LRGUK: variants seen among roughly 807,000 people sequenced by gnomAD.
LRGUK encodes the protein leucine-rich repeat and guanylate kinase domain-containing protein.
A neutral mutation model predicts 76.0 loss-of-function variants in LRGUK; 65 were observed. The ratio of observed to expected loss-of-function variants is 0.85; its 90% CI spans 0.70 to 1.05. The LOEUF (loss-of-function observed/expected upper bound fraction) is 1.05, where lower values mean the gene tolerates loss of function less well. Ranked by LOEUF, LRGUK falls within the 50% of genes least tolerant of loss-of-function variation. LRGUK has a pLI of 0.00. For missense variants in LRGUK, 758 were observed against 732.8 expected, an observed-to-expected ratio of 1.03 and a Z score of -0.40; for synonymous variants, 268 against 265.6, an observed-to-expected ratio of 1.01 and a Z score of -0.09.
intron 12 of LRGUK, 107 bp from the exon 13 acceptor site, chr7:134,196,885 T>G (rs1297764326): frequency 1.7e-6 from 1 of 582,572 alleles, no homozygotes; most frequent in Non-Finnish European, 3.0e-6. Context: ...TGCTAAAATT[T>G]GTAAGGTTTT....
At chr7:134,218,475 G>C (rs1461941853) in intron 15 of LRGUK, among the ~76,000 whole-genome samples, 1 of 152,130 alleles carries the variant, frequency 6.6e-6, no homozygotes, top group Non-Finnish European at 1.5e-5. Context: ...TTGCCTTGCT[G>C]TATAAGAAAT....
chr7:134,264,308 A>G (rs1321860071), exon 20 of LRGUK: 1 of 190,742 alleles, frequency 5.2e-6, no homozygotes, highest in African/African-American at 2.3e-5. Context: ...GAAATATCAG[A>G]TGGAAAAATC....
intron 7 of LRGUK, among the ~76,000 whole-genome samples, chr7:134,168,351 C>T (rs532957863): frequency 4.5e-4 from 68 of 152,228 alleles, no homozygotes; most frequent in African/African-American, 1.5e-3. Context: ...GGCAACATCA[C>T]GACACCCCCA....
At chr7:134,272,076 C>T in the LRGUK span, among the ~76,000 whole-genome samples, 14,637 of 151,988 alleles carry the variant, frequency 0.096, 1,815 homozygotes, top group African/African-American at 0.28. Context: ...ACAATGATAA[C>T]GAGCATCCTT....
intron 5 of LRGUK, among the ~76,000 whole-genome samples, chr7:134,153,384 A>C (rs1172518834): frequency 6.6e-6 from 1 of 152,156 alleles, no homozygotes; most frequent in Non-Finnish European, 1.5e-5. Flanking sequence ...CCTAAATTGC[A>C]ATACAATAAG....
chr7:134,150,283 CAAAAAAAACAA>C (rs1351633360), intron 5 of LRGUK, among the ~76,000 whole-genome samples: 5 of 147,138 alleles, frequency 3.4e-5, no homozygotes, highest in East Asian at 4.0e-4. Flanking sequence ...TCTCAAAAAA[CAAAAAAAACAA>C]AAAAAAACAA....
intron 5 of LRGUK, among the ~76,000 whole-genome samples, chr7:134,156,082 T>C (rs186033218): frequency 3.0e-3 from 462 of 152,340 alleles, no homozygotes; most frequent in African/African-American, 0.01. Context: ...CTCTCAGTAG[T>C]ATAAAAGTAT....
At chr7:134,192,266 T>C (rs534826261) in intron 12 of LRGUK, among the ~76,000 whole-genome samples, 9 of 152,300 alleles carry the variant, frequency 5.9e-5, no homozygotes, top group Non-Finnish European at 8.8e-5. Context: ...TCTGGACATG[T>C]TACCATGGTC....
At chr7:134,157,955 A>G in intron 5 of LRGUK, 80 bp from the exon 6 acceptor site, 1 of 1,258,648 alleles carries the variant, frequency 7.9e-7, no homozygotes, top group Middle Eastern at 2.0e-4. Context: ...TGCTTTGTCT[A>G]GTGATGATTT....
chr7:134,130,296 C>A (rs1222398), intron 1 of LRGUK, among the ~76,000 whole-genome samples: 127,444 of 151,880 alleles, frequency 0.84, 54,096 homozygotes, highest in Non-Finnish European at 0.9. Flanking sequence ...TTCCCCCCCC[C>A]CCCAGAGGAA....
chr7:134,175,527 G>T (rs1204027993), intron 8 of LRGUK, among the ~76,000 whole-genome samples: 1 of 152,156 alleles, frequency 6.6e-6, no homozygotes, highest in African/African-American at 2.4e-5. Flanking sequence ...CCTGAAGGGT[G>T]TTTGTGCATA....
chr7:134,256,016 G>A (rs546072969), intron 18 of LRGUK, among the ~76,000 whole-genome samples: 142 of 152,088 alleles, frequency 9.3e-4, no homozygotes, highest in Non-Finnish European at 1.4e-3. Context: ...GCCCCCTGTC[G>A]CCTGTGTCAA....
Position 134,156,668 on chromosome 7 carries a change from G to C in LRGUK, c.671-1367G>C, listed in dbSNP as rs528918855. ...GTTTTGTTTATAGTGAAGGGCCTTAGATGGCAGAGTGAGGAATCTGGAATT... is the reference window on the plus strand; with the variant it reads ...GTTTTGTTTATAGTGAAGGGCCTTACATGGCAGAGTGAGGAATCTGGAATT... On this transcript the variant is annotated intron_variant, in intron 5 of 15. Coordinates refer to ENST00000645682, the Ensembl canonical transcript of LRGUK. 2.0e-5 allele frequency among the ~76,000 whole-genome samples: 3 copies of C among 152,286 alleles called. No individual in the cohort carries two copies. In the East Asian group the frequency reaches 5.8e-4, roughly 29 times the overall value.
intron 11 of LRGUK, among the ~76,000 whole-genome samples, chr7:134,188,766 T>C (rs1401934181): frequency 6.6e-6 from 1 of 152,150 alleles, no homozygotes; most frequent in Non-Finnish European, 1.5e-5. Flanking sequence ...TTACTAACAA[T>C]GTGATGTGCT....
the LRGUK span, among the ~76,000 whole-genome samples, chr7:134,273,458 C>T: frequency 6.6e-6 from 1 of 152,018 alleles, no homozygotes; most frequent in East Asian, 1.9e-4. Context: ...GCCCACTATC[C>T]ATCCCAAGCC....
intron 1 of LRGUK, among the ~76,000 whole-genome samples, chr7:134,134,346 G>A (rs78754113): frequency 0.015 from 2,303 of 152,252 alleles, 73 homozygotes; most frequent in African/African-American, 0.052. Context: ...CTGGAGCTGC[G>A]GCAGTAAAGA....
chr7:134,247,172 A>G (rs1802325019), intron 16 of LRGUK, among the ~76,000 whole-genome samples: 1 of 152,180 alleles, frequency 6.6e-6, no homozygotes, highest in Non-Finnish European at 1.5e-5. Flanking sequence ...GGCTGTGTTA[A>G]TTCAATCAGT....
At chr7:134,135,228 A>C (rs1380120402) in intron 1 of LRGUK, among the ~76,000 whole-genome samples, 1 of 152,204 alleles carries the variant, frequency 6.6e-6, no homozygotes, top group Non-Finnish European at 1.5e-5. Flanking sequence ...TAGGGAATGA[A>C]TAGTCCCTTA....
chr7:134,199,980 T>TATA (rs1800682862), intron 14 of LRGUK, among the ~76,000 whole-genome samples: 1 of 69,562 alleles, frequency 1.4e-5, no homozygotes, highest in Non-Finnish European at 2.8e-5. Flanking sequence ...TTCTAGAAAC[T>TATA]TTTATATATA....
Sources: gnomAD v4.1 joint callset for allele counts (sites outside exome capture counted in the v4.1 genomes callset) on GRCh38, gnomAD v4.1.1 for gene constraint, MANE v1.5 for transcripts, NCBI Gene and HGNC (gene_info 2026-07-23, HGNC 2026-07-21) for gene names.